MFGE8: variants seen among roughly 807,000 people sequenced by gnomAD.
MFGE8 encodes lactadherin.
MFGE8 carries 34 observed loss-of-function variants against 42.6 expected under a neutral mutation model. The observed-to-expected ratio is 0.80, with a 90% CI of 0.61 to 1.06. The LOEUF (loss-of-function observed/expected upper bound fraction) is 1.06, where lower values mean the gene tolerates loss of function less well. Ranked by LOEUF, MFGE8 falls within the 50% of genes least tolerant of loss-of-function variation. The pLI, the probability that MFGE8 is intolerant of heterozygous loss-of-function variation, is 0.00. For missense variants in MFGE8, 510 were observed against 516.9 expected, an observed-to-expected ratio of 0.99 and a Z score of 0.13; for synonymous variants, 230 against 214.8, an observed-to-expected ratio of 1.07 and a Z score of -0.62.
Position 88,905,549 on chromosome 15 carries a change from C to A in MFGE8, c.685+208G>T. On this transcript the variant is annotated intron_variant, in intron 5 of 7. Transcript: ENST00000268150. The surrounding 1 kb of genome is among the most constrained non-coding windows in gnomAD (Gnocchi z 6.6). ...CTTTTTCTCTATCAATCAGAATGCC[C>A]TGGGTCATGGGTTGGCAGACAGCAA... 1.4e-6 allele frequency: 1 copy of A among 715,066 alleles called. No individual in the cohort carries two copies. The highest frequency in any genetic ancestry group is 2.0e-5 in the Admixed American group (1 of 49,926). 44.3% of individuals were successfully genotyped at this position (715,066 alleles called of 1,614,324 possible). A position where few individuals can be genotyped will look rare whatever the true frequency, so the allele number is the denominator to read the frequency against.
intron 1 of MFGE8, chr15:88,912,007 T>G (rs967718803): frequency 2.7e-6 from 2 of 735,406 alleles, no homozygotes; most frequent in Non-Finnish European, 4.1e-6. Context: ...GAGGCTTGGG[T>G]TGGGAATGGA....
chr15:88,907,301 G>C lies in MFGE8; in HGVS notation c.281C>G (p.Thr94Ser), dbSNP rs757619658. The part of the protein sequence containing the change: ...SQIAASSVRV[T>S]FLGLQHWVPE... ...GACCCAATGCTGCAAACCCAAGAAG[G>C]TCACACGCACAGACGAGGCGGCGAT... Residue 94 changes from threonine (T) to serine (S), a missense_variant, in exon 3 of 8, where the codon ACC becomes AGC. Physicochemically the swap from Thr to Ser is moderately conservative, Grantham distance 58. Transcript: ENST00000268150. 2 of 1,614,098 alleles carry C rather than the reference G, an allele frequency of 1.2e-6. No individual in the cohort carries two copies. Among genetic ancestry groups the C allele is most frequent in the Non-Finnish European group, 1.7e-6 (2 of 1,180,044 alleles).
At position 88,903,281 on chromosome 15, in the gene MFGE8, GC is replaced by G. The variant is rs1370478671; in HGVS notation, c.686-1547del. ...TTCTGGTAAAATGCAGTTGGAAGGG[GC>G]ACCAGGGCAGGGACAGGACTGTCAG... On this transcript the variant is annotated intron_variant, in intron 5 of 7. Coordinates refer to ENST00000268150, the MANE Select transcript of MFGE8 (RefSeq NM_005928.4). The surrounding 1 kb of genome is among the most constrained non-coding windows in gnomAD (Gnocchi z 4.9). The G allele has an allele frequency of 1.3e-5, 2 of 152,246 alleles. No homozygotes were observed. Among genetic ancestry groups the G allele is most frequent in the African/African-American group, 4.8e-5 (2 of 41,408 alleles). 9.4% of individuals were successfully genotyped at this position (152,246 alleles called of 1,614,324 possible). A position where few individuals can be genotyped will look rare whatever the true frequency, so the allele number is the denominator to read the frequency against.
rs1330311906 is a variant in MFGE8, at chr15:88,905,230, G to A, written c.685+527C>T. Among the ~76,000 whole-genome samples, 2 of 152,136 alleles carry A rather than the reference G, an allele frequency of 1.3e-5. No homozygotes were observed. The highest frequency in any genetic ancestry group is 2.4e-5 in the African/African-American group (1 of 41,412). ...GGGAAAGCTCTGGATGGGTGTGGTC[G>A]GGAGCCCAGAGATCTAGACCAAGTC... On this transcript the variant is annotated intron_variant, in intron 5 of 7. Transcript: ENST00000268150. This position sits in a 1 kb window ranked among gnomAD's most constrained non-coding sequence, Gnocchi z 6.6.
rs764855526 is a variant in MFGE8, at chr15:88,901,693, T to C, written c.728A>G (p.Asp243Gly). The C allele has an allele frequency of 5.0e-6, 8 of 1,613,766 alleles. No individual in the cohort carries two copies. The East Asian group carries it at 1.8e-4, about 36-fold the overall frequency. ...PLGLKNNSIP[D>G]KQITASSSYK... ...GCTGCTGGAGGCCGTGATCTGCTTG[T>C]CAGGGATGCTGTTATTCTTCAGGCC... Residue 243 changes from aspartate to glycine, a missense_variant, in exon 6 of 8, where the codon GAC becomes GGC. Asp to Gly is a moderately conservative substitution (Grantham distance 94, BLOSUM62 -1). Transcript: ENST00000268150.
chr15:88,907,713 C>T (rs1259230756), intron 2 of MFGE8, among the ~76,000 whole-genome samples: 1 of 151,362 alleles, frequency 6.6e-6, no homozygotes, highest in Non-Finnish European at 1.5e-5. Flanking sequence ...GAGTCCCCCC[C>T]GCCAGGCTGT....
rs1311757580 is a variant in MFGE8, at chr15:88,906,023, C to T, written c.541-122G>A. On this transcript the variant is annotated intron_variant, in intron 4 of 7. Coordinates refer to ENST00000268150, the MANE Select transcript of MFGE8 (RefSeq NM_005928.4). The surrounding 1 kb of genome is among the most constrained non-coding windows in gnomAD (Gnocchi z 4.2). ...GGTGGGGCTGGGAGGGTGAAGAGGA[C>T]TTGGAAGAGCCAGCAGAGGCTCACA... 1.7e-6 allele frequency: 2 copies of T among 1,201,030 alleles called. No homozygotes were observed. The highest frequency in any genetic ancestry group is 2.4e-6 in the Non-Finnish European group (2 of 820,996). 74.4% of individuals were successfully genotyped at this position (1,201,030 alleles called of 1,614,324 possible).
chr15:88,900,467 C>G (rs1053671994), intron 6 of MFGE8, among the ~76,000 whole-genome samples: 1 of 152,190 alleles, frequency 6.6e-6, no homozygotes, highest in Non-Finnish European at 1.5e-5. Flanking sequence ...CCCTGCGGCG[C>G]CGCCCACAGT....
chr15:88,913,008 C>T, intron 1 of MFGE8: 3 of 985,452 alleles, frequency 3.0e-6, no homozygotes, highest in Non-Finnish European at 2.4e-6. Flanking sequence ...TCCCTGGGGG[C>T]GGCAGGGCTG....
chr15:88,913,280 G>C lies in MFGE8; in HGVS notation c.40C>G (p.Leu14Val), dbSNP rs1899056022. The C allele has an allele frequency of 2.7e-6, 4 of 1,494,666 alleles. No homozygotes were observed. The South Asian group carries it at 5.0e-5, about 19-fold the overall frequency. 92.6% of individuals were successfully genotyped at this position (1,494,666 alleles called of 1,614,324 possible). A position where few individuals can be genotyped will look rare whatever the true frequency, so the allele number is the denominator to read the frequency against. The change falls in exon 1 of 8, where the codon CTG (leucine) becomes GTG (valine). Residue 14 changes from leucine (L) to valine (V), a missense_variant. By Grantham distance (32) the Leu-to-Val change is conservative. Transcript: ENST00000268150. Reference protein sequence around the residue: ...PRLLAALCGALLCAPSLLVAL... With the variant: ...PRLLAALCGAVLCAPSLLVAL... ...ACGAGGAGGCTGGGGGCGCAGAGCA[G>C]CGCGCCGCACAGCGCGGCCAGCAGG...
chr15:88,900,623 A>G, intron 6 of MFGE8: 1 of 754,066 alleles, frequency 1.3e-6, no homozygotes, highest in South Asian at 6.0e-5. Context: ...CTGGACACAC[A>G]GTTCCCCAAC....
chr15:88,908,514 C>T (rs1350856741), intron 2 of MFGE8, among the ~76,000 whole-genome samples: 3 of 152,306 alleles, frequency 2.0e-5, no homozygotes, highest in East Asian at 3.9e-4. Flanking sequence ...GGAAGAGCTG[C>T]GAAGGTCCCT....
At chr15:88,904,296 G>A (rs1008658286) in intron 5 of MFGE8, 3 of 152,304 alleles carry the variant, frequency 2.0e-5, no homozygotes, top group African/African-American at 7.2e-5. Flanking sequence ...TGTCTGCAAA[G>A]AGGAATCCCT....
rs1205086254 is a variant in MFGE8 at position 88,905,496 on chromosome 15, G to A, written c.685+261C>T. 5 of 643,410 alleles carry A rather than the reference G, an allele frequency of 7.8e-6. No homozygotes were observed. The Admixed American group carries it at 8.3e-5, about 11-fold the overall frequency. 39.9% of individuals were successfully genotyped at this position (643,410 alleles called of 1,614,324 possible). A position where few individuals can be genotyped will look rare whatever the true frequency, so the allele number is the denominator to read the frequency against. On this transcript the variant is annotated intron_variant, in intron 5 of 7. Coordinates refer to ENST00000268150, the MANE Select transcript of MFGE8 (RefSeq NM_005928.4). This position sits in a 1 kb window ranked among gnomAD's most constrained non-coding sequence, Gnocchi z 6.6. Reference sequence around the variant, plus strand: ...GCTACAGGAGAGGAGCCAACCAGAAGAAGGGAAAATACTTTGAAAACTGAT... The same window carrying A: ...GCTACAGGAGAGGAGCCAACCAGAAAAAGGGAAAATACTTTGAAAACTGAT...
At position 88,899,721 on chromosome 15, in the gene MFGE8, C is replaced by T; in HGVS notation, c.961G>A (p.Val321Ile). 2 of 1,614,220 alleles carry T rather than the reference C, an allele frequency of 1.2e-6. No individual in the cohort carries two copies. The highest frequency in any genetic ancestry group is 2.2e-5 in the South Asian group (2 of 91,090). The change falls in exon 7 of 8, where the codon GTT (valine) becomes ATT (isoleucine). Residue 321 changes from valine to isoleucine, a missense_variant. Val to Ile is a conservative substitution (Grantham distance 29). Coordinates refer to ENST00000268150, the MANE Select transcript of MFGE8 (RefSeq NM_005928.4). The surrounding 1 kb of genome is among the most constrained non-coding windows in gnomAD (Gnocchi z 6.8). ...GSVQFVASYKVAYSNDSANWT... is the reference protein window; with the variant it reads ...GSVQFVASYKIAYSNDSANWT... Reference sequence around the variant, plus strand: ...TTCGCACTGTCATTACTGTAGGCAACCTTGTAGGATGCCACAAACTGGACA... The same window carrying T: ...TTCGCACTGTCATTACTGTAGGCAATCTTGTAGGATGCCACAAACTGGACA...
chr15:88,910,087 C>A, intron 1 of MFGE8, 164 bp from the exon 2 acceptor site: 1 of 883,444 alleles, frequency 1.1e-6, no homozygotes. Context: ...CTGAGTCCGC[C>A]TAGAGCCAAG....
At chr15:88,900,795 G>A (rs1476881444) in intron 6 of MFGE8, 3 of 969,394 alleles carry the variant, frequency 3.1e-6, no homozygotes, top group African/African-American at 3.5e-5. Context: ...TCACATGGTG[G>A]CTTCTTAGAC....
Position 88,906,868 on chromosome 15 carries a change from G to GA in MFGE8, c.388-91_388-90insT. The GA allele has an allele frequency of 1.3e-6, 2 of 1,482,404 alleles. No individual in the cohort carries two copies. The highest frequency in any genetic ancestry group is 2.3e-5 in the South Asian group (2 of 87,660). The allele number at this position is 1,482,404 out of a possible 1,614,324, so 91.8% of individuals were successfully genotyped here. On this transcript the variant is annotated intron_variant, in intron 3 of 7. Transcript: ENST00000268150. The surrounding 1 kb of genome is among the most constrained non-coding windows in gnomAD (Gnocchi z 4.2). ...AGACCCATCCCTTCACTCCCCCACTGGGTGGGGGAACAACTCAAGCAAAAC... is the reference window on the plus strand; with the variant it reads ...AGACCCATCCCTTCACTCCCCCACTGAGGTGGGGGAACAACTCAAGCAAAAC...
intron 1 of MFGE8, chr15:88,910,556 AGATGAGGAAGATTG>A: frequency 6.0e-6 from 1 of 166,290 alleles, no homozygotes; most frequent in Non-Finnish European, 1.3e-5. Context: ...GCAAGTCCAC[AGATGAGGAAGATTG>A]CCCAACGCTC....
Sources: gnomAD v4.1 joint callset for allele counts (sites outside exome capture counted in the v4.1 genomes callset) on GRCh38, gnomAD v4.1.1 for gene constraint, Gnocchi (gnomAD v3.1) non-coding constraint, MANE v1.5 for transcripts, NCBI Gene and HGNC (gene_info 2026-07-23, HGNC 2026-07-21) for gene names.